MTERF4: variants seen among roughly 807,000 people sequenced by gnomAD.
MTERF4 encodes transcription termination factor 4, mitochondrial.
A neutral mutation model predicts 22.5 loss-of-function variants in MTERF4; 17 were observed. The ratio of observed to expected loss-of-function variants is 0.75; its 90% confidence interval spans 0.52 to 1.13. The LOEUF is 1.13. Ranked by LOEUF, MTERF4 falls within the 50% of genes most tolerant of loss-of-function variation. The pLI is 0.00. For missense variants in MTERF4, 420 were observed against 466.8 expected (o/e 0.90, Z 0.92); for synonymous variants, 165 against 175.3 (o/e 0.94, Z 0.47).
At chr2:241,090,206 T>G (rs1344379761), downstream of MTERF4, 50 of 1,475,470 alleles carry the variant, frequency 3.4e-5, no homozygotes, top group Non-Finnish European at 4.4e-5. Context: ...TTTTTAAAAT[T>G]TTTAATTGTT....
intron 1 of MTERF4, among the ~76,000 whole-genome samples, chr2:241,100,936 G>A (rs147603070): frequency 1.3e-5 from 2 of 152,292 alleles, no homozygotes; most frequent in African/African-American, 4.8e-5. Flanking sequence ...GACCTCAAAA[G>A]TCTTCAGTGG....
the MTERF4 span, chr2:241,050,059 T>C: frequency 4.0e-6 from 3 of 749,448 alleles, no homozygotes; most frequent in Admixed American, 6.0e-5. Flanking sequence ...GAGCCTTGCC[T>C]GATGTGCTGC....
chr2:241,072,965 C>A, exon 5 of MTERF4: 7 of 430,248 alleles, frequency 1.6e-5, no homozygotes, highest in Non-Finnish European at 2.9e-5. Flanking sequence ...AAGAAAGCAA[C>A]CGCATCAGCC....
Position 241,096,304 on chromosome 2 carries a change from C to T in MTERF4, c.840G>A (p.Lys280=), listed in dbSNP as rs1446196656. Residue 280 remains lysine, a synonymous_variant, in exon 4 of 4, where the codon AAG becomes AAA. Transcript: ENST00000391980. This position sits in a 1 kb window ranked among gnomAD's most constrained non-coding sequence, Gnocchi z 5.1. ...RLGRYQTPDK[K]GQTQIPNPLL... is the part of the protein sequence containing the mutation. Reference sequence around the variant, plus strand: ...ATGGGTTAGGGATCTGTGTCTGCCCCTTCTTATCAGGGGTTTGGTACCGTC... The same window carrying T: ...ATGGGTTAGGGATCTGTGTCTGCCCTTTCTTATCAGGGGTTTGGTACCGTC... 2 of 1,614,202 alleles carry T rather than the reference C, an allele frequency of 1.2e-6. No individual in the cohort carries two copies. Among genetic ancestry groups the T allele is most frequent in the Non-Finnish European group, 1.7e-6 (2 of 1,180,032 alleles).
the MTERF4 span, among the ~76,000 whole-genome samples, chr2:241,062,322 T>G: frequency 6.6e-6 from 1 of 152,154 alleles, no homozygotes; most frequent in African/African-American, 2.4e-5. Context: ...TTTTTAAGCA[T>G]GAAATTAAAC....
chr2:241,097,002 T>C (rs2064465197), intron 3 of MTERF4: 1 of 595,768 alleles, frequency 1.7e-6, no homozygotes, highest in African/African-American at 1.9e-5. Flanking sequence ...GTAAAGAAAT[T>C]AAAGATTTCT....
chr2:241,063,294 G>T, the MTERF4 span: 1 of 508,864 alleles, frequency 2.0e-6, no homozygotes, highest in Non-Finnish European at 3.6e-6. Flanking sequence ...CTCCAGGGAG[G>T]GCAAGGCCCA....
chr2:241,048,572 G>A, the MTERF4 span: 1 of 1,499,400 alleles, frequency 6.7e-7, no homozygotes. Context: ...ATTTGTATGG[G>A]AAGTTGGCCA....
At position 241,099,510 on chromosome 2, in the gene MTERF4, G is replaced by A. The variant is rs1261265213; in HGVS notation, c.406C>T (p.Leu136=). Residue 136 remains leucine, a synonymous_variant, in exon 2 of 4, where the codon CTG becomes TTG. Transcript: ENST00000391980. ...DIISEFILLG[L]NPEPVCVVLK... ...ACCACACACACAGGCTCTGGATTCA[G>A]ACCCAAGAGAATAAATTCTGAAATG... The A allele has an allele frequency of 1.2e-6, 2 of 1,614,204 alleles. No individual in the cohort carries two copies. Among genetic ancestry groups the A allele is most frequent in the African/African-American group, 1.3e-5 (1 of 75,050 alleles).
At chr2:241,062,372 C>T in the MTERF4 span, among the ~76,000 whole-genome samples, 5 of 152,146 alleles carry the variant, frequency 3.3e-5, no homozygotes, top group Non-Finnish European at 5.9e-5. Flanking sequence ...GCACAACTCC[C>T]GCTTGAAAAG....
chr2:241,099,332 C>T (rs2064595706), intron 2 of MTERF4, 64 bp downstream of exon 2: 1 of 1,545,374 alleles, frequency 6.5e-7, no homozygotes, highest in South Asian at 1.2e-5. Context: ...GCCTCGGCCT[C>T]CCAAAGATCT....
At chr2:241,059,011 G>T in the MTERF4 span, among the ~76,000 whole-genome samples, 1 of 151,952 alleles carries the variant, frequency 6.6e-6, no homozygotes, top group South Asian at 2.1e-4. Context: ...AAAAAAGAGA[G>T]AAATTAGCAA....
At chr2:241,069,793 AT>A, downstream of MTERF4, 1 of 1,110,594 alleles carries the variant, frequency 9.0e-7, no homozygotes, top group Non-Finnish European at 1.3e-6. This position sits in a 1 kb window ranked among gnomAD's most constrained non-coding sequence, Gnocchi z 4.9. Context: ...GCACTGTACC[AT>A]TCTCCATAAT....
At chr2:241,052,455 C>T in the MTERF4 span, 8 of 1,609,210 alleles carry the variant, frequency 5.0e-6, no homozygotes, top group Non-Finnish European at 6.8e-6. Context: ...ACATGGGACG[C>T]CGGTGCCAGG....
downstream of MTERF4, chr2:241,071,589 C>T (rs369849516): frequency 4.9e-5 from 77 of 1,586,494 alleles, no homozygotes; most frequent in South Asian, 6.8e-5. Flanking sequence ...CCAGGGATGG[C>T]GCTGACAGAC....
At chr2:241,063,934 C>T in the MTERF4 span, 1 of 1,136,048 alleles carries the variant, frequency 8.8e-7, no homozygotes. Flanking sequence ...TCCTCCTTTC[C>T]CTTCTTCCCG....
At chr2:241,050,982 A>G in the MTERF4 span, among the ~76,000 whole-genome samples, 2 of 152,142 alleles carry the variant, frequency 1.3e-5, no homozygotes, top group East Asian at 3.9e-4. Context: ...CAATGTGGAC[A>G]CCTCTGACCC....
the MTERF4 span, chr2:241,063,874 AG>A: frequency 1.9e-6 from 1 of 520,966 alleles, no homozygotes; most frequent in East Asian, 4.3e-5. Flanking sequence ...GGGAGGGCTG[AG>A]GGGCGGGACC....
At chr2:241,057,967 GAATT>G in the MTERF4 span, among the ~76,000 whole-genome samples, 1 of 152,114 alleles carries the variant, frequency 6.6e-6, no homozygotes, top group Admixed American at 6.5e-5. Flanking sequence ...AGATTGGAAA[GAATT>G]ATGATAGAAA....
Sources: gnomAD v4.1 joint callset for allele counts (sites outside exome capture counted in the v4.1 genomes callset) on GRCh38, gnomAD v4.1.1 for gene constraint, Gnocchi (gnomAD v3.1) non-coding constraint, MANE v1.5 for transcripts, NCBI Gene and HGNC (gene_info 2026-07-23, HGNC 2026-07-21) for gene names.